COG5: variants seen among roughly 807,000 people sequenced by gnomAD.
COG5 encodes component of oligomeric golgi complex 5, also known as conserved oligomeric Golgi complex subunit 5.
Under a neutral mutation model 110.4 loss-of-function variants are expected in COG5, and 86 were observed. The observed-to-expected ratio is 0.78, with a 90% CI of 0.65 to 0.93. The LOEUF (loss-of-function observed/expected upper bound fraction) is 0.93, where lower values mean the gene tolerates loss of function less well. COG5 is among the 40% of genes least tolerant of loss of function. The pLI is 0.00. For missense variants in COG5, 1,077 were observed against 987.0 expected, an observed-to-expected ratio of 1.09 and a Z score of -1.22; for synonymous variants, 360 against 334.6, an observed-to-expected ratio of 1.08 and a Z score of -0.83.
At chr7:107,234,763 T>G (rs1801046424) in intron 18 of COG5, among the ~76,000 whole-genome samples, 1 of 151,528 alleles carries the variant, frequency 6.6e-6, no homozygotes, top group Admixed American at 6.6e-5. Flanking sequence ...AGAGACCATC[T>G]GAGTATAGTT....
chr7:107,480,054 A>C (rs1485395468), intron 6 of COG5, among the ~76,000 whole-genome samples: 4 of 152,154 alleles, frequency 2.6e-5, no homozygotes, highest in Non-Finnish European at 5.9e-5. Context: ...TTTTAATTAA[A>C]ATGTTTTAAA....
intron 6 of COG5, among the ~76,000 whole-genome samples, chr7:107,477,853 A>G (rs1797082969): frequency 6.6e-6 from 1 of 151,810 alleles, no homozygotes; most frequent in Non-Finnish European, 1.5e-5. Context: ...AAATATTTCT[A>G]TTTTCTTTAC....
chr7:107,249,084 C>T (rs191722593), intron 16 of COG5, among the ~76,000 whole-genome samples: 6 of 152,256 alleles, frequency 3.9e-5, no homozygotes, highest in Admixed American at 3.9e-4. Flanking sequence ...GCTCTTTCCC[C>T]TGCTCCCACC....
intron 10 of COG5, among the ~76,000 whole-genome samples, chr7:107,346,361 A>G (rs1191385235): frequency 6.6e-6 from 1 of 152,184 alleles, no homozygotes; most frequent in Non-Finnish European, 1.5e-5. Context: ...GAGGGAAACA[A>G]CTGTGACTGG....
intron 6 of COG5, among the ~76,000 whole-genome samples, chr7:107,522,332 G>C (rs183528233): frequency 3.3e-4 from 50 of 152,332 alleles, no homozygotes; most frequent in African/African-American, 1.2e-3. Flanking sequence ...GCCAGGCGTG[G>C]TGGTGAATGC....
chr7:107,255,654 CAATCT>C (rs1423453387), intron 16 of COG5, among the ~76,000 whole-genome samples: 1 of 151,984 alleles, frequency 6.6e-6, no homozygotes, highest in African/African-American at 2.4e-5. Context: ...GATGTAAATC[CAATCT>C]AATAGTTAAA....
intron 6 of COG5, among the ~76,000 whole-genome samples, chr7:107,414,872 T>A (rs539261722): frequency 6.6e-6 from 1 of 151,486 alleles, no homozygotes; most frequent in Non-Finnish European, 1.5e-5. Context: ...GGACTACAAG[T>A]GCACGTCACG....
At chr7:107,266,585 G>A (rs987645926) in intron 14 of COG5, among the ~76,000 whole-genome samples, 1 of 151,988 alleles carries the variant, frequency 6.6e-6, no homozygotes, top group Non-Finnish European at 1.5e-5. Context: ...GTGATTTTAC[G>A]AGTCCTTCCT....
chr7:107,551,115 T>C (rs1199359222), intron 3 of COG5, among the ~76,000 whole-genome samples: 5 of 152,154 alleles, frequency 3.3e-5, no homozygotes, highest in Non-Finnish European at 7.3e-5. Flanking sequence ...TGATCTCGGC[T>C]CACTGCAAGC....
chr7:107,293,014 T>C (rs1304984803), intron 12 of COG5, among the ~76,000 whole-genome samples: 2 of 152,150 alleles, frequency 1.3e-5, no homozygotes, highest in Non-Finnish European at 2.9e-5. Context: ...TCCTCTCCAG[T>C]TCTGCATCTT....
intron 6 of COG5, among the ~76,000 whole-genome samples, chr7:107,445,614 C>A (rs1330167304): frequency 6.6e-6 from 1 of 152,104 alleles, no homozygotes; most frequent in Non-Finnish European, 1.5e-5. Context: ...TTCATTTATT[C>A]CACTATCTTA....
At chr7:107,514,913 T>A (rs1299525901) in intron 6 of COG5, among the ~76,000 whole-genome samples, 1 of 152,172 alleles carries the variant, frequency 6.6e-6, no homozygotes, top group Non-Finnish European at 1.5e-5. Context: ...CCCATGGATA[T>A]TATCATCATC....
At chr7:107,557,306 CTCAA>C (rs2129178977) in intron 2 of COG5, among the ~76,000 whole-genome samples, 1 of 152,216 alleles carries the variant, frequency 6.6e-6, no homozygotes, top group African/African-American at 2.4e-5. Context: ...TAAATACCTA[CTCAA>C]TCAAAGGCAA....
intron 5 of COG5, among the ~76,000 whole-genome samples, chr7:107,528,042 T>C (rs17482494): frequency 0.13 from 19,063 of 152,146 alleles, 1,503 homozygotes; most frequent in Non-Finnish European, 0.17. Flanking sequence ...CTCTTTCCTA[T>C]ATCCTGCAGG....
chr7:107,295,315 C>A (rs541753001), intron 12 of COG5, among the ~76,000 whole-genome samples: 12 of 151,400 alleles, frequency 7.9e-5, no homozygotes, highest in African/African-American at 2.9e-4. Flanking sequence ...ATGGTTGATT[C>A]TTCCACACTA....
In COG5 at chr7:107,290,576, A is replaced by T. The variant is rs560147762; in HGVS notation, c.1314-6844T>A. On this transcript the variant is annotated intron_variant, in intron 12 of 21. Coordinates refer to ENST00000297135, the MANE Select transcript of COG5 (RefSeq NM_006348.5). ...GGGGTCACTCGCTTTCAGCCTGTAG[A>T]ACTTTCTTTAGTATTTCTTGTAAGC... Among the ~76,000 whole-genome samples the T allele has an allele frequency of 2.6e-5, 4 of 152,312 alleles. No individual in the cohort carries two copies. The East Asian group carries it at 7.7e-4, about 29-fold the overall frequency.
At chr7:107,267,159 A>T (rs1269140706) in intron 14 of COG5, among the ~76,000 whole-genome samples, 4 of 152,184 alleles carry the variant, frequency 2.6e-5, no homozygotes, top group Middle Eastern at 3.4e-3. Context: ...GTAACTCAAA[A>T]CTCTGTTGCT....
At chr7:107,397,987 A>AT (rs886198987) in intron 7 of COG5, among the ~76,000 whole-genome samples, 1 of 152,020 alleles carries the variant, frequency 6.6e-6, no homozygotes, top group African/African-American at 2.4e-5. Context: ...TGGAAAAAAA[A>AT]TAATTTTGCA....
intron 6 of COG5, among the ~76,000 whole-genome samples, chr7:107,447,118 C>T (rs1389635392): frequency 1.3e-5 from 2 of 152,124 alleles, no homozygotes; most frequent in African/African-American, 4.8e-5. Flanking sequence ...TTCTGGTTTC[C>T]TTGCTGCCTG....
Sources: allele counts gnomAD v4.1 joint callset (sites outside exome capture counted in the v4.1 genomes callset), GRCh38; gene constraint gnomAD v4.1.1; transcripts MANE v1.5; gene names NCBI Gene and HGNC (gene_info 2026-07-23, HGNC 2026-07-21).